Variants in RIMS2 observed in about 807,000 individuals in gnomAD.
The protein encoded by RIMS2 is regulating synaptic membrane exocytosis 2.
RIMS2 carries 59 observed loss-of-function variants against 174.4 expected under a neutral mutation model. The observed-to-expected ratio is 0.34, with a 90% CI of 0.27 to 0.42. The LOEUF (loss-of-function observed/expected upper bound fraction) is 0.42, where lower values mean the gene tolerates loss of function less well. Ranked by LOEUF, RIMS2 falls within the 10% of genes least tolerant of loss-of-function variation. The probability of loss-of-function intolerance (pLI) is 1.00; values close to 1 mark genes in which losing one functional copy is unlikely to be tolerated. For missense variants in RIMS2, 1,620 were observed against 1,666.3 expected (o/e 0.97, Z 0.48); for synonymous variants, 606 against 572.5 (o/e 1.06, Z -0.84).
At chr8:104,236,433 A>T (rs1193522759) in intron 19 of RIMS2, among the ~76,000 whole-genome samples, 3 of 152,102 alleles carry the variant, frequency 2.0e-5, no homozygotes, top group Non-Finnish European at 4.4e-5. Context: ...GGGAATTTTA[A>T]TTGAGTTTTT....
chr8:103,722,850 T>C (rs1305335576), intron 2 of RIMS2, among the ~76,000 whole-genome samples: 2 of 152,210 alleles, frequency 1.3e-5, no homozygotes, highest in African/African-American at 4.8e-5. Flanking sequence ...GTCTTTTTTG[T>C]ATGAAACTGC....
chr8:104,054,927 A>C (rs897257853), intron 19 of RIMS2, among the ~76,000 whole-genome samples: 1 of 152,088 alleles, frequency 6.6e-6, no homozygotes, highest in African/African-American at 2.4e-5. Context: ...TCTAACAACT[A>C]ATACTTTTCA....
intron 3 of RIMS2, among the ~76,000 whole-genome samples, chr8:103,870,120 G>A (rs1169386308): frequency 7.3e-6 from 1 of 137,184 alleles, no homozygotes. Flanking sequence ...ACAGCCGATA[G>A]CTATAAGGAC....
chr8:104,090,162 A>G (rs1476979303), intron 19 of RIMS2, among the ~76,000 whole-genome samples: 2 of 151,678 alleles, frequency 1.3e-5, no homozygotes, highest in Admixed American at 1.3e-4. Flanking sequence ...TGTGTGAATA[A>G]AAGGCATAAA....
At chr8:103,795,631 AT>A (rs1387548109) in intron 3 of RIMS2, among the ~76,000 whole-genome samples, 5 of 152,046 alleles carry the variant, frequency 3.3e-5, no homozygotes, top group Non-Finnish European at 5.9e-5. Flanking sequence ...ATAAGCCTGT[AT>A]TTATCGTTTT....
At chr8:103,704,321 G>T (rs553229537) in intron 2 of RIMS2, among the ~76,000 whole-genome samples, 5 of 151,732 alleles carry the variant, frequency 3.3e-5, no homozygotes, top group African/African-American at 7.2e-5. Context: ...GATGATTGTG[G>T]TGATTGATCT....
intron 19 of RIMS2, among the ~76,000 whole-genome samples, chr8:104,113,402 A>T (rs7012657): frequency 0.022 from 3,374 of 152,176 alleles, 128 homozygotes; most frequent in African/African-American, 0.076. Context: ...TATTATAAAG[A>T]TTTTTCCCAA....
chr8:103,737,168 CTTTGTTCTTTTTTTT>C (rs2097695386), intron 2 of RIMS2, among the ~76,000 whole-genome samples: 4 of 113,884 alleles, frequency 3.5e-5, no homozygotes, highest in Admixed American at 2.6e-4. Flanking sequence ...TTTTCTTTTT[CTTTGTTCTTTTTTTT>C]TTTTTTTTTT....
At chr8:103,791,041 C>A (rs1439845494) in intron 3 of RIMS2, among the ~76,000 whole-genome samples, 1 of 152,050 alleles carries the variant, frequency 6.6e-6, no homozygotes, top group Non-Finnish European at 1.5e-5. Flanking sequence ...GCAAGGCAGG[C>A]CAACATTCAA....
chr8:104,161,548 A>C (rs969169823), intron 19 of RIMS2, among the ~76,000 whole-genome samples: 5 of 152,222 alleles, frequency 3.3e-5, no homozygotes, highest in African/African-American at 1.2e-4. Context: ...TCAATAAGAA[A>C]GACTAGAGAT....
chr8:103,734,932 G>C (rs976587741), intron 2 of RIMS2, among the ~76,000 whole-genome samples: 1 of 123,680 alleles, frequency 8.1e-6, no homozygotes, highest in Non-Finnish European at 1.8e-5. Context: ...GAAGGGCACA[G>C]GTTTTCTGTA....
intron 15 of RIMS2, among the ~76,000 whole-genome samples, chr8:103,962,191 G>A (rs1254462064): frequency 6.6e-6 from 1 of 151,718 alleles, no homozygotes; most frequent in East Asian, 1.9e-4. Context: ...GCCATTTTTG[G>A]ATGTTTCTGT....
At chr8:103,515,789 T>A (rs1235872620) in intron 1 of RIMS2, among the ~76,000 whole-genome samples, 1 of 152,098 alleles carries the variant, frequency 6.6e-6, no homozygotes, top group African/African-American at 2.4e-5. Flanking sequence ...AATATTAGTG[T>A]TTCAAAATCT....
intron 19 of RIMS2, among the ~76,000 whole-genome samples, chr8:104,192,860 A>C (rs1473639988): frequency 1.3e-5 from 2 of 152,182 alleles, no homozygotes. Context: ...AGACAGACAC[A>C]TGGTACCCAC....
chr8:104,058,278 G>A (rs1391911783), intron 19 of RIMS2, among the ~76,000 whole-genome samples: 25 of 148,206 alleles, frequency 1.7e-4, no homozygotes, highest in African/African-American at 6.0e-4. Flanking sequence ...GTGTGAGATG[G>A]TATCTCATTG....
chr8:103,820,569 G>A (rs1457087602), intron 3 of RIMS2, among the ~76,000 whole-genome samples: 1 of 151,528 alleles, frequency 6.6e-6, no homozygotes, highest in African/African-American at 2.4e-5. Flanking sequence ...AAAAAATACC[G>A]GTTATACAAT....
chr8:103,735,752 A>G (rs2097677345), intron 2 of RIMS2, among the ~76,000 whole-genome samples: 1 of 152,214 alleles, frequency 6.6e-6, no homozygotes, highest in Non-Finnish European at 1.5e-5. Flanking sequence ...GCAAATTATA[A>G]ACCTGTGTGT....
chr8:104,024,249 C>A (rs972695336), intron 19 of RIMS2, among the ~76,000 whole-genome samples: 2 of 152,168 alleles, frequency 1.3e-5, no homozygotes, highest in Non-Finnish European at 2.9e-5. Flanking sequence ...GGCCTCGAAC[C>A]TTTTGCTTGT....
rs532324044 is a variant in RIMS2, at chr8:104,200,025, G to C, written c.3335-44891G>C. ...TAGAAACCCTGTCATGATTCTGAAGGTCCAGAGGCTAAGAGCATGAGGAAT... is the reference window on the plus strand; with the variant it reads ...TAGAAACCCTGTCATGATTCTGAAGCTCCAGAGGCTAAGAGCATGAGGAAT... On this transcript the variant is annotated intron_variant, in intron 19 of 23. Transcript: ENST00000504942. Among the ~76,000 whole-genome samples the C allele has an allele frequency of 2.0e-5, 3 of 152,268 alleles. No homozygotes were observed. The South Asian group carries it at 6.2e-4, about 32-fold the overall frequency.
Sources: allele counts gnomAD v4.1 joint callset (sites outside exome capture counted in the v4.1 genomes callset), GRCh38; gene constraint gnomAD v4.1.1; transcripts MANE v1.5; gene names NCBI Gene and HGNC (gene_info 2026-07-23, HGNC 2026-07-21).